Variants in JAK2 observed in about 807,000 individuals in gnomAD.
JAK2 encodes tyrosine-protein kinase JAK2.
JAK2 carries 86 observed loss-of-function variants against 139.3 expected under a neutral mutation model. The ratio of observed to expected loss-of-function variants is 0.62; its 90% CI spans 0.52 to 0.74. JAK2 has a LOEUF of 0.74. Ranked by LOEUF, JAK2 falls within the 30% of genes least tolerant of loss-of-function variation. JAK2 has a pLI of 0.00. For synonymous variants in JAK2, 490 were observed against 437.7 expected, an observed-to-expected ratio of 1.12 and a Z score of -1.49; for missense variants, 1,421 against 1,360.3, an observed-to-expected ratio of 1.04 and a Z score of -0.70.
chr9:5,072,366 T>G lies in JAK2; in HGVS notation c.1642-126T>G, dbSNP rs572678100. The G allele has an allele frequency of 6.5e-6, 4 of 613,072 alleles. No homozygotes were observed. The South Asian group carries it at 1.4e-4, about 21-fold the overall frequency. 38.0% of individuals were successfully genotyped at this position (613,072 alleles called of 1,614,324 possible). ...ATTAATTTGGAGTCTTAAATCTGGA[T>G]TTAGATTCTAAGGAAAATACTTGCT... On this transcript the variant is annotated intron_variant, in intron 12 of 24. Coordinates refer to ENST00000381652, the MANE Select transcript of JAK2 (RefSeq NM_004972.4).
chr9:5,108,854 C>T (rs1169966660), intron 22 of JAK2: 13 of 152,102 alleles, frequency 8.5e-5, no homozygotes, highest in Admixed American at 7.2e-4. Context: ...TTACAGGTGC[C>T]GTCACCCTTA....
chr9:5,112,037 A>C, intron 22 of JAK2: 1 of 407,552 alleles, frequency 2.5e-6, no homozygotes, highest in Admixed American at 2.7e-5. Flanking sequence ...CTGGTGCCTT[A>C]TCACCCAGCT....
At chr9:5,005,768 G>A (rs935136329) in intron 2 of JAK2, among the ~76,000 whole-genome samples, 2 of 152,122 alleles carry the variant, frequency 1.3e-5, no homozygotes, top group Non-Finnish European at 2.9e-5. Flanking sequence ...AAATTTACCA[G>A]CAAAGTCACT....
At chr9:5,027,078 C>T (rs946677682) in intron 3 of JAK2, among the ~76,000 whole-genome samples, 5 of 152,146 alleles carry the variant, frequency 3.3e-5, no homozygotes, top group Admixed American at 2.0e-4. Context: ...TTTTATTATA[C>T]CTCCAGTTCA....
intron 3 of JAK2, among the ~76,000 whole-genome samples, chr9:5,022,763 A>G (rs1043634391): frequency 3.3e-5 from 5 of 152,178 alleles, no homozygotes; most frequent in African/African-American, 1.2e-4. Flanking sequence ...CTTTCTATAG[A>G]GCTAACACAT....
chr9:5,120,354 CAT>C (rs910357805), intron 22 of JAK2, among the ~76,000 whole-genome samples: 4 of 152,238 alleles, frequency 2.6e-5, no homozygotes, highest in African/African-American at 9.6e-5. Context: ...GGAGGAGACA[CAT>C]AGCAAACACT....
At chr9:5,116,579 C>A (rs1025485180) in intron 22 of JAK2, among the ~76,000 whole-genome samples, 1 of 152,014 alleles carries the variant, frequency 6.6e-6, no homozygotes, top group Non-Finnish European at 1.5e-5. Flanking sequence ...AGCTGGCAAT[C>A]AAAAAATATT....
At position 5,080,681 on chromosome 9, in the gene JAK2, C is replaced by T; in HGVS notation, c.2432C>T (p.Pro811Leu). The T allele has an allele frequency of 6.4e-7, 1 of 1,564,284 alleles. No homozygotes were observed. Among genetic ancestry groups the T allele is most frequent in the Non-Finnish European group, 8.6e-7 (1 of 1,161,426 alleles). ...IIRDLNSLFT[P>L]DYELLTENDM... ...CGAGATCTTAACAGTTTGTTTACTC[C>T]AGGTATGTATTTGAATGATCTTATT... is the stretch of plus-strand genomic sequence containing the variant. The change falls in exon 18 of 25, where the codon CCA (proline) becomes CTA (leucine). Residue 811 changes from proline (P) to leucine (L), a missense_variant and splice_region_variant. Coordinates refer to ENST00000381652, the MANE Select transcript of JAK2 (RefSeq NM_004972.4).
Position 5,090,527 on chromosome 9 carries a change from T to C in JAK2, c.2843T>C (p.Ile948Thr). Reference sequence around the variant, plus strand: ...TATCTTCAAAAACATAAAGAACGGATAGATCACATAAAACTTCTGCAGTAC... The same window carrying C: ...TATCTTCAAAAACATAAAGAACGGACAGATCACATAAAACTTCTGCAGTAC... ...RDYLQKHKER[I>T]DHIKLLQYTS... The change falls in exon 21 of 25, where the codon ATA becomes ACA. Residue 948 changes from isoleucine (I) to threonine (T), a missense_variant. Coordinates refer to ENST00000381652, the MANE Select transcript of JAK2 (RefSeq NM_004972.4). The C allele has an allele frequency of 1.3e-6, 2 of 1,597,016 alleles. No homozygotes were observed. Among genetic ancestry groups the C allele is most frequent in the South Asian group, 1.1e-5 (1 of 87,014 alleles).
intron 22 of JAK2, among the ~76,000 whole-genome samples, chr9:5,117,459 C>T (rs1017364008): frequency 6.6e-6 from 1 of 152,136 alleles, no homozygotes; most frequent in Admixed American, 6.5e-5. Flanking sequence ...AAAATATTTT[C>T]ATAATAATGG....
At chr9:4,995,478 G>A (rs1450390282) in intron 2 of JAK2, among the ~76,000 whole-genome samples, 1 of 152,148 alleles carries the variant, frequency 6.6e-6, no homozygotes, top group Non-Finnish European at 1.5e-5. Context: ...TCCCCTAGAT[G>A]GTTGTCCAGT....
At chr9:5,044,656 C>G in intron 5 of JAK2, 136 bp downstream of exon 5, 1 of 521,934 alleles carries the variant, frequency 1.9e-6, no homozygotes, top group Non-Finnish European at 3.3e-6. Context: ...AGAGAAGTAA[C>G]AAAATTGAGT....
intron 5 of JAK2, among the ~76,000 whole-genome samples, chr9:5,044,983 T>G (rs1816898027): frequency 6.6e-6 from 1 of 152,188 alleles, no homozygotes; most frequent in Non-Finnish European, 1.5e-5. Flanking sequence ...TATAGGAAGG[T>G]GACTGGATGT....
chr9:5,047,587 T>C (rs979763654), intron 5 of JAK2, among the ~76,000 whole-genome samples: 1 of 152,240 alleles, frequency 6.6e-6, no homozygotes, highest in African/African-American at 2.4e-5. Flanking sequence ...CCCTGGCTAA[T>C]GAAGATGTAA....
chr9:5,084,769 G>C (rs965638829), intron 19 of JAK2, among the ~76,000 whole-genome samples: 3 of 152,088 alleles, frequency 2.0e-5, no homozygotes, highest in African/African-American at 7.2e-5. Flanking sequence ...TAACCATCAA[G>C]ACACCTCAAT....
chr9:5,095,335 A>G (rs1037294721), intron 22 of JAK2, among the ~76,000 whole-genome samples: 28 of 152,212 alleles, frequency 1.8e-4, no homozygotes, highest in African/African-American at 6.0e-4. Flanking sequence ...AGGAATAAAT[A>G]TAGTAGTTCT....
At chr9:5,003,894 A>G (rs1821096526) in intron 2 of JAK2, among the ~76,000 whole-genome samples, 1 of 152,078 alleles carries the variant, frequency 6.6e-6, no homozygotes. Context: ...AGATTTTAAA[A>G]TCATGAACAT....
intron 2 of JAK2, among the ~76,000 whole-genome samples, chr9:4,988,937 C>T (rs966546924): frequency 6.6e-6 from 1 of 152,144 alleles, no homozygotes; most frequent in African/African-American, 2.4e-5. Context: ...CATATCTCTG[C>T]TTTCCCTCCT....
chr9:5,044,607 A>C (rs1399992797), intron 5 of JAK2, 87 bp downstream of exon 5: 2 of 791,802 alleles, frequency 2.5e-6, no homozygotes, highest in Non-Finnish European at 4.0e-6. Flanking sequence ...AAAACTTTAC[A>C]TATGGGAAAA....
Sources: gnomAD v4.1 joint callset for allele counts (sites outside exome capture counted in the v4.1 genomes callset) on GRCh38, gnomAD v4.1.1 for gene constraint, MANE v1.5 for transcripts, NCBI Gene and HGNC (gene_info 2026-07-23, HGNC 2026-07-21) for gene names.